ADARB2: variants seen among roughly 807,000 people sequenced by gnomAD.
ADARB2 encodes the protein adenosine deaminase RNA specific B2 (inactive), also known as inactive double-stranded RNA-specific editase B2.
A neutral mutation model predicts 62.2 loss-of-function variants in ADARB2; 25 were observed. The ratio of observed to expected loss-of-function variants is 0.40; its 90% CI spans 0.29 to 0.56. The LOEUF (loss-of-function observed/expected upper bound fraction) is 0.56, where lower values mean the gene tolerates loss of function less well. ADARB2 is among the 20% of genes least tolerant of loss of function. The pLI, the probability that ADARB2 is intolerant of heterozygous loss-of-function variation, is 0.43. For missense variants in ADARB2, 1,071 were observed against 1,077.4 expected, an observed-to-expected ratio of 0.99 and a Z score of 0.08; for synonymous variants, 572 against 500.8, an observed-to-expected ratio of 1.14 and a Z score of -1.90.
rs1832634655 is a variant in ADARB2, at chr10:1,398,452, C to T, written c.101-19292G>A. Among the ~76,000 whole-genome samples, 1 of 152,206 alleles carries T rather than the reference C, an allele frequency of 6.6e-6. No individual in the cohort carries two copies. The highest frequency in any genetic ancestry group is 1.9e-4 in the East Asian group (1 of 5,178). On this transcript the variant is annotated intron_variant, in intron 1 of 9. Coordinates refer to ENST00000381312, the MANE Select transcript of ADARB2 (RefSeq NM_018702.4). The surrounding 1 kb of genome is among the most constrained non-coding windows in gnomAD (Gnocchi z 4.1). ...GGGTTTCTTCCTTGGTCCTCCCACT[C>T]GCTCCTGTTTTTCAGGGCCCCTCCT...
At chr10:1,561,710 G>A (rs571677159) in intron 1 of ADARB2, among the ~76,000 whole-genome samples, 2 of 152,156 alleles carry the variant, frequency 1.3e-5, no homozygotes, top group South Asian at 4.1e-4. Flanking sequence ...CTCATGCACC[G>A]TACCCTAGAA....
At chr10:1,622,763 T>C (rs1445975512) in intron 1 of ADARB2, among the ~76,000 whole-genome samples, 1 of 152,198 alleles carries the variant, frequency 6.6e-6, no homozygotes, top group Non-Finnish European at 1.5e-5. Context: ...GGAAAATTGT[T>C]TGTTTGTTTC....
intron 1 of ADARB2, among the ~76,000 whole-genome samples, chr10:1,469,205 G>A (rs1158850569): frequency 6.6e-6 from 1 of 152,154 alleles, no homozygotes; most frequent in Admixed American, 6.5e-5. Context: ...TTCTACAGCA[G>A]AACTAACAGA....
chr10:1,706,554 T>C (rs1380924588), intron 1 of ADARB2, among the ~76,000 whole-genome samples: 1 of 152,114 alleles, frequency 6.6e-6, no homozygotes, highest in East Asian at 1.9e-4. Flanking sequence ...TCCAGGAGAG[T>C]ATTTTCGGTA....
intron 1 of ADARB2, among the ~76,000 whole-genome samples, chr10:1,464,421 G>A (rs184759636): frequency 9.0e-6 from 1 of 110,568 alleles, no homozygotes; most frequent in African/African-American, 3.3e-5. Context: ...ACACGCGCGG[G>A]GGCCAGTCAC....
At chr10:1,607,396 T>C (rs1038494074) in intron 1 of ADARB2, among the ~76,000 whole-genome samples, 6 of 152,196 alleles carry the variant, frequency 3.9e-5, no homozygotes, top group Non-Finnish European at 7.3e-5. Context: ...CACAGAAATA[T>C]AGTCCACGCT....
At chr10:1,266,897 G>A (rs1331640974) in intron 4 of ADARB2, among the ~76,000 whole-genome samples, 1 of 152,056 alleles carries the variant, frequency 6.6e-6, no homozygotes, top group Non-Finnish European at 1.5e-5. Context: ...AAAATTAGGA[G>A]GGAAAGGCAG....
intron 1 of ADARB2, among the ~76,000 whole-genome samples, chr10:1,578,046 AAGTC>A (rs1833043943): frequency 6.6e-6 from 1 of 152,178 alleles, no homozygotes; most frequent in African/African-American, 2.4e-5. Flanking sequence ...GGAAGCAGGA[AAGTC>A]AGTTGCTCCA....
At chr10:1,269,623 G>C (rs934347585) in intron 4 of ADARB2, among the ~76,000 whole-genome samples, 31 of 152,342 alleles carry the variant, frequency 2.0e-4, no homozygotes, top group African/African-American at 7.0e-4. Flanking sequence ...GCAGAGCTCT[G>C]TGCAGGTGGG....
chr10:1,419,341 C>T (rs185341292), intron 1 of ADARB2, among the ~76,000 whole-genome samples: 1 of 152,228 alleles, frequency 6.6e-6, no homozygotes, highest in Non-Finnish European at 1.5e-5. Flanking sequence ...TTTTATTGAT[C>T]ATTTTATCTT....
Position 1,183,359 on chromosome 10 carries a change from C to T in ADARB2, c.2054G>A (p.Arg685Gln), listed in dbSNP as rs138438667. The T allele has an allele frequency of 8.0e-5, 129 of 1,612,028 alleles. No homozygotes were observed. Among genetic ancestry groups the T allele is most frequent in the African/African-American group, 9.3e-5 (7 of 74,880 alleles). ...WARLYGRLST[R>Q]TPSPGDTPSM... is the part of the protein sequence containing the mutation. ...GGGCGTGTCTCCAGGGCTGGGTGTC[C>T]GTGTGCTCAGCTGCGGACAAGAAGG... Residue 685 changes from arginine (R) to glutamine (Q), a missense_variant, in exon 10 of 10, where the codon CGG becomes CAG. Transcript: ENST00000381312.
Position 1,644,270 on chromosome 10 carries a change from T to C in ADARB2, c.100+92781A>G, listed in dbSNP as rs188439426. Among the ~76,000 whole-genome samples the C allele has an allele frequency of 2.9e-3, 442 of 152,364 alleles. 4 individuals carry two copies. Among genetic ancestry groups the C allele is most frequent in the South Asian group, 5.6e-3 (27 of 4,830 alleles). Reference sequence around the variant, plus strand: ...GTGCCAAGCTACGCCACTACTGATTTACTGCGCTGGGAACAGCACTCCATC... The same window carrying C: ...GTGCCAAGCTACGCCACTACTGATTCACTGCGCTGGGAACAGCACTCCATC... On this transcript the variant is annotated intron_variant, in intron 1 of 9. Coordinates refer to ENST00000381312, the MANE Select transcript of ADARB2 (RefSeq NM_018702.4).
At chr10:1,652,747 C>T (rs1167617842) in intron 1 of ADARB2, among the ~76,000 whole-genome samples, 1 of 152,150 alleles carries the variant, frequency 6.6e-6, no homozygotes, top group Non-Finnish European at 1.5e-5. Context: ...AGGCTCATTA[C>T]CCATTTTTAA....
rs546621825 is a variant in ADARB2 at position 1,492,436 on chromosome 10, A to C, written c.101-113276T>G. Among the ~76,000 whole-genome samples the C allele has an allele frequency of 6.0e-4, 91 of 152,242 alleles. 1 individual carries two copies. The South Asian group carries it at 0.017, about 28-fold the overall frequency. On this transcript the variant is annotated intron_variant, in intron 1 of 9. Transcript: ENST00000381312. Reference sequence around the variant, plus strand: ...TCGTGAGGGAACACAGGAGAGTACCACGTGACGCTAAGGCAGAGATTGAAG... The same window carrying C: ...TCGTGAGGGAACACAGGAGAGTACCCCGTGACGCTAAGGCAGAGATTGAAG...
intron 3 of ADARB2, chr10:1,290,229 C>T (rs1460215061): frequency 6.6e-6 from 1 of 152,198 alleles, no homozygotes; most frequent in East Asian, 1.9e-4. Flanking sequence ...GGATTCTGTC[C>T]TCTGCATGTT....
chr10:1,597,053 C>T, intron 1 of ADARB2, among the ~76,000 whole-genome samples: 1 of 152,200 alleles, frequency 6.6e-6, no homozygotes, highest in Middle Eastern at 3.4e-3. Context: ...AACTACCGAC[C>T]ACAGTATTAA....
intron 1 of ADARB2, among the ~76,000 whole-genome samples, chr10:1,654,236 G>A (rs1175280875): frequency 6.6e-6 from 1 of 152,160 alleles, no homozygotes; most frequent in Non-Finnish European, 1.5e-5. Context: ...GTAGTTTTCT[G>A]GTTGCCTGAG....
In ADARB2 at chr10:1,352,923, T is replaced by C. The variant is rs1027039543; in HGVS notation, c.1077+10105A>G. Among the ~76,000 whole-genome samples the C allele has an allele frequency of 7.2e-5, 11 of 152,286 alleles. No homozygotes were observed. In the East Asian group the frequency reaches 1.9e-3, roughly 27 times the overall value. ...CCTCACCTTGATCACATTTAGTTTATTGATGGCAGTTCCACCAGGCCTAAT... is the reference window on the plus strand; with the variant it reads ...CCTCACCTTGATCACATTTAGTTTACTGATGGCAGTTCCACCAGGCCTAAT... On this transcript the variant is annotated intron_variant, in intron 3 of 9. Transcript: ENST00000381312.
At chr10:1,529,864 G>GTGAC (rs1295281925) in intron 1 of ADARB2, among the ~76,000 whole-genome samples, 2 of 151,900 alleles carry the variant, frequency 1.3e-5, no homozygotes. Context: ...CTGCTCCCCT[G>GTGAC]TGACTGCGGG....
Sources: gnomAD v4.1 joint callset for allele counts (sites outside exome capture counted in the v4.1 genomes callset) on GRCh38, gnomAD v4.1.1 for gene constraint, Gnocchi (gnomAD v3.1) non-coding constraint, MANE v1.5 for transcripts, NCBI Gene and HGNC (gene_info 2026-07-23, HGNC 2026-07-21) for gene names.